CMIP: variants seen among roughly 807,000 people sequenced by gnomAD.
The protein encoded by CMIP is C-Maf-inducing protein.
In CMIP, 13 loss-of-function variants were observed where a neutral mutation model predicts 97.3. The observed-to-expected ratio is 0.13, with a 90% CI of 0.09 to 0.21. The LOEUF (loss-of-function observed/expected upper bound fraction) is 0.21, where lower values mean the gene tolerates loss of function less well. Ranked by LOEUF, CMIP falls within the 10% of genes least tolerant of loss-of-function variation. The pLI is 1.00. For missense variants in CMIP, 847 were observed against 1,024.9 expected (o/e 0.83, Z 2.37); for synonymous variants, 538 against 436.3 (o/e 1.23, Z -2.91).
intron 13 of CMIP, among the ~76,000 whole-genome samples, chr16:81,694,231 G>A (rs1257276105): frequency 6.6e-6 from 1 of 152,172 alleles, no homozygotes; most frequent in Admixed American, 6.5e-5. Context: ...ACTGTGTGCT[G>A]TGCTCTGAGA....
intron 2 of CMIP, among the ~76,000 whole-genome samples, chr16:81,609,257 G>A (rs190119985): frequency 2.7e-5 from 4 of 148,260 alleles, no homozygotes; most frequent in Non-Finnish European, 4.4e-5. Context: ...ATAGAGGTCA[G>A]TGTCACCCTC....
At chr16:81,602,075 G>C (rs2091667249) in intron 1 of CMIP, among the ~76,000 whole-genome samples, 1 of 152,196 alleles carries the variant, frequency 6.6e-6, no homozygotes, top group African/African-American at 2.4e-5. Context: ...GTTTCACAAG[G>C]ATGTTCACTG....
In CMIP at chr16:81,711,590, AT is replaced by A. The variant is rs1908782132; in HGVS notation, c.*1792del. On this transcript the variant is annotated 3_prime_UTR_variant, in exon 21 of 21. Transcript: ENST00000537098. ...AAGCAAAAAAAATAAAAATAAAAAA[AT>A]AAATAAAAATAAAAAAAATAAAAAA... 2.2e-5 allele frequency: 3 copies of A among 134,966 alleles called. No homozygotes were observed. The highest frequency in any genetic ancestry group is 5.4e-5 in the African/African-American group (2 of 36,728). 8.4% of individuals were successfully genotyped at this position (134,966 alleles called of 1,614,324 possible).
chr16:81,610,078 T>C (rs1432220688), intron 2 of CMIP, among the ~76,000 whole-genome samples: 4 of 152,116 alleles, frequency 2.6e-5, no homozygotes, highest in East Asian at 1.9e-4. Context: ...GCCTCCACTT[T>C]CCTGCTCCAC....
intron 1 of CMIP, among the ~76,000 whole-genome samples, chr16:81,526,101 T>G (rs4889332): frequency 6.6e-6 from 1 of 151,980 alleles, no homozygotes. Flanking sequence ...GCTGTGAACA[T>G]TGGTATATAA....
At chr16:81,685,032 A>G (rs901113812) in intron 10 of CMIP, among the ~76,000 whole-genome samples, 8 of 152,208 alleles carry the variant, frequency 5.3e-5, no homozygotes, top group African/African-American at 1.9e-4. Context: ...AGAGAGGCCC[A>G]TGCACAAGAG....
At position 81,678,374 on chromosome 16, in the gene CMIP, G is replaced by A. The variant is rs565325259; in HGVS notation, c.1134G>A (p.Pro378=). 369 of 1,612,206 alleles carry A rather than the reference G, an allele frequency of 2.3e-4. No homozygotes were observed. The highest frequency in any genetic ancestry group is 2.9e-4 in the Non-Finnish European group (341 of 1,179,246). The change falls in exon 10 of 21, where the codon CCG becomes CCA. Residue 378 remains proline, a synonymous_variant. Coordinates refer to ENST00000537098, the MANE Select transcript of CMIP (RefSeq NM_198390.3). ...CTCTGCGCCTTCTGCACCCCAGCCC[G>A]GACCTGGTGTCTCAGGAAGCCACGC... ...TLPLRLLHPS[P]DLVSQEATLS...
chr16:81,664,320 G>T lies in CMIP; in HGVS notation c.796G>T (p.Val266Leu). The T allele has an allele frequency of 6.3e-7, 1 of 1,599,628 alleles. No individual in the cohort carries two copies. The highest frequency in any genetic ancestry group is 8.5e-7 in the Non-Finnish European group (1 of 1,173,714). The change falls in exon 7 of 21, where the codon GTG becomes TTG. Residue 266 changes from valine (V) to leucine (L), a missense_variant. Val to Leu is a conservative substitution (Grantham distance 32). Transcript: ENST00000537098. ...SMVVIEVFTP[V>L]VQRILKHNMD... ...GGTGGTCATCGAGGTGTTCACCCCC[G>T]TGGTGCAGCGAATCCTCAAGCATAA...
chr16:81,584,319 T>G (rs1247644206), intron 1 of CMIP, among the ~76,000 whole-genome samples: 2 of 152,204 alleles, frequency 1.3e-5, no homozygotes, highest in African/African-American at 4.8e-5. Context: ...ATGCTGGAAG[T>G]ACTTCGATGT....
intron 3 of CMIP, among the ~76,000 whole-genome samples, chr16:81,622,430 G>T (rs1200794705): frequency 6.6e-6 from 1 of 152,094 alleles, no homozygotes. Context: ...GAAGACAGGC[G>T]GGACATTCGT....
At chr16:81,691,896 TCCA>T in intron 11 of CMIP, 56 bp downstream of exon 11, 1 of 1,465,096 alleles carries the variant, frequency 6.8e-7, no homozygotes, top group South Asian at 1.1e-5. Flanking sequence ...ACCTCAGTTG[TCCA>T]CCAAGGCCTT....
At chr16:81,466,845 G>A (rs952397986) in intron 1 of CMIP, among the ~76,000 whole-genome samples, 1 of 152,206 alleles carries the variant, frequency 6.6e-6, no homozygotes, top group Admixed American at 6.5e-5. Context: ...TTGCTTGAAA[G>A]AGGCTGTTGT....
At chr16:81,599,569 G>A (rs1327514585) in intron 1 of CMIP, among the ~76,000 whole-genome samples, 1 of 152,218 alleles carries the variant, frequency 6.6e-6, no homozygotes, top group Non-Finnish European at 1.5e-5. Context: ...TGTGGTCCCA[G>A]CTCCTTTCTC....
At chr16:81,702,800 C>A in intron 17 of CMIP, 131 bp downstream of exon 17, 1 of 751,572 alleles carries the variant, frequency 1.3e-6, no homozygotes, top group Non-Finnish European at 2.3e-6. Context: ...CCCCCTAGTA[C>A]TTAACACGCC....
In CMIP at chr16:81,705,546, C is replaced by T. The variant is rs758607857; in HGVS notation, c.2139C>T (p.Leu713=). ...LRLLSEHLTM[L]QVLNLCETPV... ...TCCTGTCGGAACACCTCACCATGCT[C>T]CAGGTGCTGAACCTGTGCGAGACCC... The change falls in exon 19 of 21, where the codon CTC becomes CTT. Residue 713 remains leucine (L), a synonymous_variant. Transcript: ENST00000537098. 6.2e-6 allele frequency: 10 copies of T among 1,609,530 alleles called. No homozygotes were observed. In the Admixed American group the frequency reaches 1.5e-4, roughly 24 times the overall value.
At chr16:81,499,952 G>A (rs1225566399) in intron 1 of CMIP, among the ~76,000 whole-genome samples, 2 of 152,186 alleles carry the variant, frequency 1.3e-5, no homozygotes, top group Non-Finnish European at 2.9e-5. Flanking sequence ...ACGCACTCTG[G>A]GCTTCACCTG....
At chr16:81,536,085 G>A (rs566216957) in intron 1 of CMIP, among the ~76,000 whole-genome samples, 2 of 152,066 alleles carry the variant, frequency 1.3e-5, no homozygotes, top group Non-Finnish European at 2.9e-5. Context: ...AGCATCCCCC[G>A]ACCCCTGGCT....
intron 1 of CMIP, among the ~76,000 whole-genome samples, chr16:81,561,604 G>A (rs891331686): frequency 1.1e-4 from 16 of 152,122 alleles, no homozygotes; most frequent in Admixed American, 3.9e-4. Flanking sequence ...AGAGGGCCTC[G>A]CAGACAATTG....
At chr16:81,478,252 A>C (rs1322001974) in intron 1 of CMIP, among the ~76,000 whole-genome samples, 1 of 152,220 alleles carries the variant, frequency 6.6e-6, no homozygotes, top group Non-Finnish European at 1.5e-5. Context: ...ACTCACATGT[A>C]GCACAGTGGA....
Sources: allele counts gnomAD v4.1 joint callset (sites outside exome capture counted in the v4.1 genomes callset), GRCh38; gene constraint gnomAD v4.1.1; transcripts MANE v1.5; gene names NCBI Gene and HGNC (gene_info 2026-07-23, HGNC 2026-07-21).